TMEM183A: variants seen among roughly 807,000 people sequenced by gnomAD.
TMEM183A encodes the protein transmembrane protein 183A, also known as chromosome 1 open reading frame 37.
TMEM183A carries 21 observed loss-of-function variants against 46.7 expected under a neutral mutation model. The observed-to-expected ratio is 0.45, with a 90% confidence interval of 0.32 to 0.65. The LOEUF is 0.65. TMEM183A is among the 30% of genes least tolerant of loss of function. The pLI, the probability that TMEM183A is intolerant of heterozygous loss-of-function variation, is 0.04. For synonymous variants in TMEM183A, 165 were observed against 180.2 expected (o/e 0.92, Z 0.68); for missense variants, 331 against 481.9 (o/e 0.69, Z 2.93).
At chr1:203,011,590 A>T (rs905043347) in intron 3 of TMEM183A, among the ~76,000 whole-genome samples, 7 of 151,952 alleles carry the variant, frequency 4.6e-5, no homozygotes, top group African/African-American at 1.7e-4. Flanking sequence ...GTAATTTTTA[A>T]TAGAGATGGG....
At chr1:203,010,660 T>C (rs1351082934) in intron 3 of TMEM183A, among the ~76,000 whole-genome samples, 1 of 152,256 alleles carries the variant, frequency 6.6e-6, no homozygotes, top group Non-Finnish European at 1.5e-5. Context: ...TTTATCTTCT[T>C]GTTGTTTTGG....
At chr1:203,015,243 G>C (rs541214440) in intron 4 of TMEM183A, 195 bp downstream of exon 4, 8 of 821,472 alleles carry the variant, frequency 9.7e-6, no homozygotes, top group Middle Eastern at 3.7e-4. Context: ...ATTGTCTTCC[G>C]TGTGGTTGCC....
chr1:203,014,740 G>C (rs1656997209), intron 3 of TMEM183A, 149 bp from the exon 4 acceptor site: 2 of 1,205,172 alleles, frequency 1.7e-6, no homozygotes, highest in East Asian at 2.6e-5. Flanking sequence ...CAGCTAGGAT[G>C]AGCAGGAAAT....
In TMEM183A at chr1:203,012,148, T is replaced by TCTCTCACACACACACA. The variant is rs1553249434; in HGVS notation, c.368-2740_368-2739insTCTCACACACACACAC. On this transcript the variant is annotated intron_variant, in intron 3 of 7. Coordinates refer to ENST00000367242, the MANE Select transcript of TMEM183A (RefSeq NM_138391.6). ...ACTTCAACCATTACCCCCCACTCCA[T>TCTCTCACACACACACA]CACACACACACACACACACACACAC... Among the ~76,000 whole-genome samples the TCTCTCACACACACACA allele has an allele frequency of 1.0e-4, 8 of 79,468 alleles. No individual in the cohort carries two copies. In the East Asian group the frequency reaches 1.0e-3, roughly 10 times the overall value. 52.1% of individuals were successfully genotyped at this position (79,468 alleles called of 152,430 possible). A position where few individuals can be genotyped will look rare whatever the true frequency, so the allele number is the denominator to read the frequency against.
intron 6 of TMEM183A, 84 bp downstream of exon 6, chr1:203,018,645 C>G: frequency 7.1e-7 from 1 of 1,417,690 alleles, no homozygotes; most frequent in Non-Finnish European, 9.8e-7. Flanking sequence ...GTTTGTGTTG[C>G]TATAACAGTA....
rs1558037781 is a variant in TMEM183A, at chr1:203,012,147, A to C, written c.368-2742A>C. ...TACTTCAACCATTACCCCCCACTCC[A>C]TCACACACACACACACACACACACA... On this transcript the variant is annotated intron_variant, in intron 3 of 7. Transcript: ENST00000367242. 5.1e-4 allele frequency among the ~76,000 whole-genome samples: 24 copies of C among 47,156 alleles called. 1 individual carries two copies. Among genetic ancestry groups the C allele is most frequent in the South Asian group, 6.9e-4 (1 of 1,446 alleles). 30.9% of individuals were successfully genotyped at this position (47,156 alleles called of 152,430 possible).
At position 203,008,626 on chromosome 1, in the gene TMEM183A, C is replaced by T. The variant is rs373469871; in HGVS notation, c.200-17C>T. Reference sequence around the variant, plus strand: ...TGGAGCTGTGTGCCATCTCATTCTCCTTTTATTTTCTTCTAGTAAAATCTC... The same window carrying T: ...TGGAGCTGTGTGCCATCTCATTCTCTTTTTATTTTCTTCTAGTAAAATCTC... On this transcript the variant is annotated splice_polypyrimidine_tract_variant and intron_variant, in intron 2 of 7. Coordinates refer to ENST00000367242, the MANE Select transcript of TMEM183A (RefSeq NM_138391.6). 3.3e-6 allele frequency: 5 copies of T among 1,512,028 alleles called. No individual in the cohort carries two copies. The highest frequency in any genetic ancestry group is 1.4e-5 in the African/African-American group (1 of 70,354). 93.7% of individuals were successfully genotyped at this position (1,512,028 alleles called of 1,614,324 possible).
chr1:203,010,398 T>A (rs564893850), intron 3 of TMEM183A, among the ~76,000 whole-genome samples: 1 of 152,282 alleles, frequency 6.6e-6, no homozygotes, highest in East Asian at 1.9e-4. Flanking sequence ...AAATTTGAAA[T>A]TTTTGGAGCA....
At position 203,008,474 on chromosome 1, in the gene TMEM183A, A is replaced by G. The variant is rs879012739; in HGVS notation, c.200-169A>G. On this transcript the variant is annotated intron_variant, in intron 2 of 7. Coordinates refer to ENST00000367242, the MANE Select transcript of TMEM183A (RefSeq NM_138391.6). ...TTTCCTTTTTTTTTTTTTTTTTTGT[A>G]TTTAAAATACTAAAATCTTTATTTT... 3.2e-5 allele frequency among the ~76,000 whole-genome samples: 3 copies of G among 95,180 alleles called. No individual in the cohort carries two copies. The South Asian group carries it at 1.0e-3, about 33-fold the overall frequency. The allele number at this position is 95,180 out of a possible 152,430, so 62.4% of individuals were successfully genotyped here.
In TMEM183A at chr1:203,022,085, G is replaced by T. The variant is rs551202285; in HGVS notation, c.946-770G>T. 1.8e-4 allele frequency among the ~76,000 whole-genome samples: 27 copies of T among 151,202 alleles called. No individual in the cohort carries two copies. In the South Asian group the frequency reaches 5.5e-3, roughly 31 times the overall value. On this transcript the variant is annotated intron_variant, in intron 7 of 7. Transcript: ENST00000367242. ...TATACAGTTTTGTTTTGTTTTTTTTGAGATGGAGTCTCGCTCTGTAGTCCA... is the reference window on the plus strand; with the variant it reads ...TATACAGTTTTGTTTTGTTTTTTTTTAGATGGAGTCTCGCTCTGTAGTCCA...
chr1:203,022,666 G>T (rs1257687710), intron 7 of TMEM183A, among the ~76,000 whole-genome samples, 189 bp from the exon 8 acceptor site: 1 of 149,952 alleles, frequency 6.7e-6, no homozygotes, highest in Non-Finnish European at 1.5e-5. Flanking sequence ...TCACATCACT[G>T]CACTACAGCC....
At position 203,018,516 on chromosome 1, in the gene TMEM183A, C is replaced by T. The variant is rs1312493281; in HGVS notation, c.744C>T (p.Asn248=). Residue 248 remains asparagine (N), a synonymous_variant, in exon 6 of 8, where the codon AAC becomes AAT. Transcript: ENST00000367242. ...TCTGGTGCAGAAAGATTGTTGGGAA[C>T]AGACAGGAACCAATGTGGGAATTCA... ...LLFWCRKIVG[N]RQEPMWEFNF... 7 of 1,612,882 alleles carry T rather than the reference C, an allele frequency of 4.3e-6. No homozygotes were observed. Among genetic ancestry groups the T allele is most frequent in the Non-Finnish European group, 5.9e-6 (7 of 1,179,976 alleles).
intron 3 of TMEM183A, among the ~76,000 whole-genome samples, chr1:203,011,739 TTATC>T (rs1477884479): frequency 6.6e-6 from 1 of 152,170 alleles, no homozygotes; most frequent in Non-Finnish European, 1.5e-5. Flanking sequence ...TAAGACTTCT[TTATC>T]TATTCAGATT....
At position 203,013,741 on chromosome 1, in the gene TMEM183A, C is replaced by T. The variant is rs1437251000; in HGVS notation, c.368-1148C>T. On this transcript the variant is annotated intron_variant, in intron 3 of 7. Coordinates refer to ENST00000367242, the MANE Select transcript of TMEM183A (RefSeq NM_138391.6). The surrounding 1 kb of genome is among the most constrained non-coding windows in gnomAD (Gnocchi z 4.0). ...TGTTAGCCAGGTTGCTCTCGATCTC[C>T]TGACCTCGCGATTCGCCCACCTCGG... Among the ~76,000 whole-genome samples, 2 of 151,784 alleles carry T rather than the reference C, an allele frequency of 1.3e-5. No individual in the cohort carries two copies. The highest frequency in any genetic ancestry group is 2.1e-4 in the South Asian group (1 of 4,808).
chr1:203,014,937 T>C lies in TMEM183A; in HGVS notation c.416T>C (p.Leu139Pro). ...GAAGAGTATCCCATGGATATTTGGC[T>C]ATTGCTGGCCTCCTATATCCGTCCT... ...GGEEYPMDIW[L>P]LLASYIRPED... Residue 139 changes from leucine to proline, a missense_variant, in exon 4 of 8, where the codon CTA becomes CCA. Physicochemically the swap from Leu to Pro is moderately conservative, Grantham distance 98. Coordinates refer to ENST00000367242, the MANE Select transcript of TMEM183A (RefSeq NM_138391.6). The C allele has an allele frequency of 6.2e-7, 1 of 1,613,950 alleles. No individual in the cohort carries two copies. The highest frequency in any genetic ancestry group is 8.5e-7 in the Non-Finnish European group (1 of 1,179,856).
rs1254711277 is a variant in TMEM183A, at chr1:203,017,721, T to A, written c.709-760T>A. 5 of 985,776 alleles carry A rather than the reference T, an allele frequency of 5.1e-6. No homozygotes were observed. The African/African-American group carries it at 8.7e-5, about 17-fold the overall frequency. The allele number at this position is 985,776 out of a possible 1,614,324, so 61.1% of individuals were successfully genotyped here. A position where few individuals can be genotyped will look rare whatever the true frequency, so the allele number is the denominator to read the frequency against. On this transcript the variant is annotated intron_variant, in intron 5 of 7. Transcript: ENST00000367242. ...TTGTCCCATGTTTCTGGACTCTAGC[T>A]TTTCGTATTTGATTCCCCCTCTCTC...
intron 3 of TMEM183A, among the ~76,000 whole-genome samples, chr1:203,010,471 G>T (rs965145359): frequency 1.5e-4 from 23 of 151,996 alleles, no homozygotes; most frequent in Non-Finnish European, 5.9e-5. Context: ...TTCGATTAGG[G>T]CTGCTCGACC....
intron 4 of TMEM183A, 194 bp downstream of exon 4, chr1:203,015,242 C>T (rs1657059612): frequency 2.2e-5 from 18 of 822,390 alleles, no homozygotes; most frequent in South Asian, 3.9e-5. Context: ...AATTGTCTTC[C>T]GTGTGGTTGC....
At chr1:203,009,390 A>G (rs993467118) in intron 3 of TMEM183A, among the ~76,000 whole-genome samples, 3 of 152,220 alleles carry the variant, frequency 2.0e-5, no homozygotes, top group Non-Finnish European at 2.9e-5. Context: ...TAATAAACTG[A>G]TGATAATATA....
Sources: allele counts gnomAD v4.1 joint callset (sites outside exome capture counted in the v4.1 genomes callset), GRCh38; gene constraint gnomAD v4.1.1; non-coding constraint Gnocchi (gnomAD v3.1); transcripts MANE v1.5; gene names NCBI Gene and HGNC (gene_info 2026-07-23, HGNC 2026-07-21).